Variants in MGAT4C observed in about 807,000 individuals in gnomAD.
The protein encoded by MGAT4C is alpha-1,3-mannosyl-glycoprotein 4-beta-N-acetylglucosaminyltransferase C.
A neutral mutation model predicts 40.1 loss-of-function variants in MGAT4C; 19 were observed. The ratio of observed to expected loss-of-function variants is 0.47; its 90% CI spans 0.33 to 0.70. The LOEUF is 0.70. Among genes scored for constraint, MGAT4C ranks in the 30% least tolerant of loss-of-function variants. The pLI is 0.02. For missense variants in MGAT4C, 491 were observed against 563.2 expected (o/e 0.87, Z 1.30); for synonymous variants, 181 against 187.1 (o/e 0.97, Z 0.27).
intron 2 of MGAT4C, among the ~76,000 whole-genome samples, chr12:86,021,359 C>T (rs548387640): frequency 6.6e-6 from 1 of 151,824 alleles, no homozygotes; most frequent in Non-Finnish European, 1.5e-5. Context: ...CAAAGATAGA[C>T]TGGATTAAGA....
intron 1 of MGAT4C, among the ~76,000 whole-genome samples, chr12:86,760,640 G>A (rs960124174): frequency 2.6e-5 from 4 of 152,180 alleles, no homozygotes; most frequent in East Asian, 3.9e-4. Flanking sequence ...GAAACAATAT[G>A]GTGAGTTCCA....
chr12:86,566,760 G>GTGTGTATA (rs771093227), intron 2 of MGAT4C, among the ~76,000 whole-genome samples: 8 of 146,938 alleles, frequency 5.4e-5, no homozygotes, highest in African/African-American at 1.8e-4. Context: ...GTGTGTGTGT[G>GTGTGTATA]TATATATATA....
At chr12:86,464,139 C>T (rs1358894944) in intron 2 of MGAT4C, among the ~76,000 whole-genome samples, 4 of 151,998 alleles carry the variant, frequency 2.6e-5, no homozygotes, top group Non-Finnish European at 4.4e-5. Context: ...TGAGGAGTAG[C>T]TTTACATTAT....
intron 1 of MGAT4C, among the ~76,000 whole-genome samples, chr12:86,203,490 T>C (rs1220253225): frequency 1.3e-5 from 2 of 151,766 alleles, no homozygotes; most frequent in Non-Finnish European, 2.9e-5. Context: ...GGAATCCTTC[T>C]TTTGCAGAAT....
In MGAT4C at chr12:85,965,709, T is replaced by A. The variant is rs1006472160; in HGVS notation, c.*13580A>T. 3 of 152,094 alleles carry A rather than the reference T, an allele frequency of 2.0e-5. No homozygotes were observed. Among genetic ancestry groups the A allele is most frequent in the Non-Finnish European group, 4.4e-5 (3 of 68,020 alleles). The allele number at this position is 152,094 out of a possible 1,614,324, so 9.4% of individuals were successfully genotyped here. A position where few individuals can be genotyped will look rare whatever the true frequency, so the allele number is the denominator to read the frequency against. On this transcript the variant is annotated 3_prime_UTR_variant, in exon 5 of 5. Coordinates refer to ENST00000611864, the MANE Select transcript of MGAT4C (RefSeq NM_001351288.2). Reference sequence around the variant, plus strand: ...CTGTTCATGAAGTGATCAATTGAATTTGAAACAGAACTTTTCCTAGCTTCT... The same window carrying A: ...CTGTTCATGAAGTGATCAATTGAATATGAAACAGAACTTTTCCTAGCTTCT...
intron 1 of MGAT4C, among the ~76,000 whole-genome samples, chr12:86,152,942 A>G (rs1325776634): frequency 6.6e-6 from 1 of 152,076 alleles, no homozygotes; most frequent in East Asian, 1.9e-4. Flanking sequence ...TCTGTGCTTT[A>G]ATAATGCTTC....
In MGAT4C at chr12:85,958,131, G is replaced by T. The variant is rs2136637415; in HGVS notation, c.*21158C>A. The T allele has an allele frequency of 6.6e-6, 1 of 151,988 alleles. No individual in the cohort carries two copies. Among genetic ancestry groups the T allele is most frequent in the East Asian group, 1.9e-4 (1 of 5,152 alleles). 9.4% of individuals were successfully genotyped at this position (151,988 alleles called of 1,614,324 possible). A position where few individuals can be genotyped will look rare whatever the true frequency, so the allele number is the denominator to read the frequency against. ...CTGTTGTCCAGGCTGGAGTGCAGTG[G>T]CATAATCTCTGCTTACCAAAACCTC... On this transcript the variant is annotated 3_prime_UTR_variant, in exon 5 of 5. Transcript: ENST00000611864.
intron 2 of MGAT4C, among the ~76,000 whole-genome samples, chr12:86,534,860 T>A (rs892479639): frequency 2.0e-5 from 3 of 152,112 alleles, no homozygotes; most frequent in African/African-American, 7.2e-5. Flanking sequence ...CTGCTTTATG[T>A]TTGCAAATAA....
rs111538635 is a variant in MGAT4C, at chr12:86,373,154, C to T, written c.-119-39027G>A. The stretch of plus-strand genomic sequence containing the variant: ...ACTCTCACAAGTGAGAAGTCTGAAG[C>T]TAAGAGATATTAACTGCGTTCCTCA... On this transcript the variant is annotated intron_variant, in intron 3 of 7. Coordinates refer to the MGAT4C transcript ENST00000548651. 5.6e-3 allele frequency among the ~76,000 whole-genome samples: 849 copies of T among 151,898 alleles called. 5 individuals carry two copies. Among genetic ancestry groups the T allele is most frequent in the African/African-American group, 0.02 (818 of 41,518 alleles).
At chr12:86,356,917 G>T (rs1955327354) in intron 3 of MGAT4C, among the ~76,000 whole-genome samples, 1 of 152,166 alleles carries the variant, frequency 6.6e-6, no homozygotes, top group Admixed American at 6.5e-5. Context: ...TGAACAAAAG[G>T]CAGCAGAAAC....
chr12:86,034,583 A>AT lies in MGAT4C; in HGVS notation c.-7+15090dup, dbSNP rs561081545. ...GGTTTTTTGTTGTTGTTTTTTTTAA[A>AT]TTTTTTTTTATTATACTTTAAGTTC... On this transcript the variant is annotated intron_variant, in intron 2 of 4. Transcript: ENST00000611864. Among the ~76,000 whole-genome samples the AT allele has an allele frequency of 7.5e-3, 1,098 of 146,530 alleles. 34 individuals carry two copies. Among genetic ancestry groups the AT allele is most frequent in the African/African-American group, 0.025 (1,014 of 40,722 alleles).
At chr12:86,142,997 T>C (rs1245110076) in intron 1 of MGAT4C, among the ~76,000 whole-genome samples, 1 of 152,120 alleles carries the variant, frequency 6.6e-6, no homozygotes, top group African/African-American at 2.4e-5. Context: ...ATCCCACAAA[T>C]GAAAGCTGTG....
At chr12:86,335,381 G>C (rs1459085807) in intron 3 of MGAT4C, among the ~76,000 whole-genome samples, 5 of 152,034 alleles carry the variant, frequency 3.3e-5, no homozygotes, top group Admixed American at 3.3e-4. Context: ...CCTTTGAAAT[G>C]TAAACATAAA....
intron 3 of MGAT4C, among the ~76,000 whole-genome samples, chr12:86,426,204 G>C (rs917838271): frequency 3.9e-5 from 6 of 151,990 alleles, no homozygotes; most frequent in Non-Finnish European, 8.8e-5. Flanking sequence ...TTGACTCTTC[G>C]GGTAAAATCT....
intron 2 of MGAT4C, among the ~76,000 whole-genome samples, chr12:86,509,919 G>A (rs2136346459): frequency 6.6e-6 from 1 of 152,302 alleles, no homozygotes; most frequent in South Asian, 2.1e-4. Flanking sequence ...TTTGTATCCT[G>A]AGACTTTGCT....
At chr12:86,635,753 T>G (rs916586118) in intron 2 of MGAT4C, among the ~76,000 whole-genome samples, 2 of 151,826 alleles carry the variant, frequency 1.3e-5, no homozygotes, top group African/African-American at 4.8e-5. Flanking sequence ...CATAGCTCAC[T>G]GCAACCTTGA....
intron 2 of MGAT4C, among the ~76,000 whole-genome samples, chr12:86,645,462 C>T (rs986546405): frequency 2.0e-5 from 3 of 151,664 alleles, no homozygotes; most frequent in East Asian, 2.0e-4. Flanking sequence ...AAGAAATGCT[C>T]GGTGGTAAAA....
At chr12:86,072,653 A>C (rs573701537) in intron 1 of MGAT4C, among the ~76,000 whole-genome samples, 1 of 152,274 alleles carries the variant, frequency 6.6e-6, no homozygotes, top group Admixed American at 6.5e-5. Context: ...ATGAGTAAGC[A>C]GGTAGATGGA....
chr12:86,636,253 A>C (rs1963215923), intron 2 of MGAT4C, among the ~76,000 whole-genome samples: 1 of 152,076 alleles, frequency 6.6e-6, no homozygotes, highest in African/African-American at 2.4e-5. Flanking sequence ...GTACTGAAAT[A>C]CACTTCTTGG....
Sources: gnomAD v4.1 joint callset for allele counts (sites outside exome capture counted in the v4.1 genomes callset) on GRCh38, gnomAD v4.1.1 for gene constraint, MANE v1.5 for transcripts, NCBI Gene and HGNC (gene_info 2026-07-23, HGNC 2026-07-21) for gene names.